The following ODAD2 variants were observed in gnomAD, a reference collection of about 807,000 sequenced individuals.
The protein encoded by ODAD2 is outer dynein arm docking complex subunit 2.
Under a neutral mutation model 106.8 loss-of-function variants are expected in ODAD2, and 89 were observed. That is an observed-to-expected ratio of 0.83 (90% CI 0.70 to 0.99). The LOEUF is 0.99. Ranked by LOEUF, ODAD2 falls within the 50% of genes least tolerant of loss-of-function variation. The pLI, the probability that ODAD2 is intolerant of heterozygous loss-of-function variation, is 0.00. For missense variants in ODAD2, 1,168 were observed against 1,238.5 expected, an observed-to-expected ratio of 0.94 and a Z score of 0.85; for synonymous variants, 404 against 436.2, an observed-to-expected ratio of 0.93 and a Z score of 0.92.
At chr10:27,940,485 A>G in intron 13 of ODAD2, 78 bp downstream of exon 13, 2 of 1,549,460 alleles carry the variant, frequency 1.3e-6, no homozygotes, top group Non-Finnish European at 1.8e-6. Flanking sequence ...TTGAGCCATC[A>G]TGATAACCTT....
At chr10:27,872,059 A>G (rs1840941423) in intron 17 of ODAD2, among the ~76,000 whole-genome samples, 1 of 152,140 alleles carries the variant, frequency 6.6e-6, no homozygotes, top group Non-Finnish European at 1.5e-5. Flanking sequence ...TTCTCCTTGA[A>G]GAGTACCTTC....
Position 27,923,945 on chromosome 10 carries a change from TGAAAGAAAGAAAGAAAGAAAGAAAGAAA to T in ODAD2, c.2495+11037_2495+11064del, listed in dbSNP as rs747193046. 1.7e-3 allele frequency among the ~76,000 whole-genome samples: 79 copies of T among 46,006 alleles called. 1 individual carries two copies. Among genetic ancestry groups the T allele is most frequent in the African/African-American group, 4.7e-3 (53 of 11,236 alleles). 30.2% of individuals were successfully genotyped at this position (46,006 alleles called of 152,430 possible). A position where few individuals can be genotyped will look rare whatever the true frequency, so the allele number is the denominator to read the frequency against. On this transcript the variant is annotated intron_variant, in intron 16 of 19. Transcript: ENST00000305242. The stretch of plus-strand genomic sequence containing the variant: ...GGTGATAGAGAGAGACCCTGTCTAA[TGAAAGAAAGAAAGAAAGAAAGAAAGAAA>T]GAAAGAAAGAAAGAAAGAAAGAAAG...
chr10:27,875,993 G>T (rs1032859789), intron 17 of ODAD2, among the ~76,000 whole-genome samples: 5 of 152,282 alleles, frequency 3.3e-5, no homozygotes, highest in Admixed American at 2.6e-4. Context: ...CAGCGAGCCT[G>T]GGGGAGGGGC....
intron 10 of ODAD2, among the ~76,000 whole-genome samples, chr10:27,959,691 T>G (rs1198193401): frequency 1.3e-5 from 2 of 152,132 alleles, no homozygotes; most frequent in Admixed American, 6.6e-5. Flanking sequence ...TCCTAGGAAT[T>G]TTCATGAGTT....
rs201456745 is a variant in ODAD2, at chr10:27,936,887, G to C, written c.2098-7C>G. On this transcript the variant is annotated splice_polypyrimidine_tract_variant and splice_region_variant and intron_variant, in intron 14 of 19. Transcript: ENST00000305242. ...TTTCCTTATCTTCAGCACACTGCAC[G>C]AAAAGTCAGACAGAGGCTGTCAGTC... 1.9e-6 allele frequency: 3 copies of C among 1,591,644 alleles called. No individual in the cohort carries two copies. The highest frequency in any genetic ancestry group is 2.6e-6 in the Non-Finnish European group (3 of 1,171,140).
At chr10:27,841,890 G>C (rs538225441) in intron 19 of ODAD2, among the ~76,000 whole-genome samples, 1 of 152,134 alleles carries the variant, frequency 6.6e-6, no homozygotes, top group Non-Finnish European at 1.5e-5. Context: ...GAGTAGCTGG[G>C]ACTACAGGTA....
rs1564509365 is a variant in ODAD2, at chr10:27,924,013, A to AGAAAGAAAGAAAGAAAGG, written c.2495+10996_2495+10997insCCTTTCTTTCTTTCTTTC. On this transcript the variant is annotated intron_variant, in intron 16 of 19. Transcript: ENST00000305242. ...AAGAAAGAAAGAAAGAAAGAAAGAA[A>AGAAAGAAAGAAAGAAAGG]GAAAGAAAGAAGGAAAGAGAAAGAA... is the stretch of plus-strand genomic sequence containing the variant. 5.8e-4 allele frequency among the ~76,000 whole-genome samples: 64 copies of AGAAAGAAAGAAAGAAAGG among 109,700 alleles called. 1 individual carries two copies. The East Asian group carries it at 9.3e-3, about 16-fold the overall frequency. The allele number at this position is 109,700 out of a possible 152,430, so 72.0% of individuals were successfully genotyped here.
intron 16 of ODAD2, among the ~76,000 whole-genome samples, chr10:27,926,302 G>C (rs1011630733): frequency 6.6e-6 from 1 of 151,478 alleles, no homozygotes; most frequent in African/African-American, 2.4e-5. Context: ...CAACCAATAA[G>C]AGAATTCTGT....
At chr10:27,882,895 G>T (rs927150597) in intron 17 of ODAD2, among the ~76,000 whole-genome samples, 4 of 151,258 alleles carry the variant, frequency 2.6e-5, no homozygotes, top group Non-Finnish European at 5.9e-5. Context: ...TCCCTAGAGT[G>T]TTTGTTATAC....
chr10:27,984,908 T>C (rs900528928), intron 4 of ODAD2, 111 bp downstream of exon 4: 18 of 466,948 alleles, frequency 3.9e-5, no homozygotes, highest in African/African-American at 3.0e-4. Context: ...TATTTTATTA[T>C]TTATTTAACT....
At chr10:27,862,125 G>C (rs1232568881) in intron 18 of ODAD2, among the ~76,000 whole-genome samples, 2 of 152,124 alleles carry the variant, frequency 1.3e-5, no homozygotes, top group African/African-American at 4.8e-5. Context: ...AACCATGATG[G>C]TGGCGGTGAA....
chr10:27,986,059 G>A (rs1331160494), intron 3 of ODAD2, among the ~76,000 whole-genome samples: 1 of 152,144 alleles, frequency 6.6e-6, no homozygotes, highest in Non-Finnish European at 1.5e-5. Context: ...TAAAGGAAAT[G>A]AAGAAAAGTA....
intron 2 of ODAD2, among the ~76,000 whole-genome samples, chr10:27,992,935 T>C (rs1285354993): frequency 6.6e-6 from 1 of 152,184 alleles, no homozygotes; most frequent in African/African-American, 2.4e-5. Context: ...TAATTTTTTT[T>C]GAGATGGAGT....
At chr10:27,816,029 A>G (rs1029911299) in intron 19 of ODAD2, among the ~76,000 whole-genome samples, 1 of 152,188 alleles carries the variant, frequency 6.6e-6, no homozygotes, top group African/African-American at 2.4e-5. Context: ...CAAGACGGAA[A>G]TCTGCGTGCC....
At chr10:27,930,718 C>T (rs1845559898) in intron 16 of ODAD2, among the ~76,000 whole-genome samples, 1 of 151,924 alleles carries the variant, frequency 6.6e-6, no homozygotes, top group African/African-American at 2.4e-5. Flanking sequence ...GTTTTAACAG[C>T]CTTGTGACTT....
rs778228068 is a variant in ODAD2 at position 27,987,369 on chromosome 10, T to G, written c.382+17A>C. On this transcript the variant is annotated intron_variant, in intron 3 of 19. Coordinates refer to ENST00000305242, the MANE Select transcript of ODAD2 (RefSeq NM_018076.5). Reference sequence around the variant, plus strand: ...GTTTCTAAAAGTTCAAATCACAGACTGGAGCATTAAGATCACCTTCAACAC... The same window carrying G: ...GTTTCTAAAAGTTCAAATCACAGACGGGAGCATTAAGATCACCTTCAACAC... The G allele has an allele frequency of 1.4e-5, 23 of 1,606,828 alleles. No homozygotes were observed. The highest frequency in any genetic ancestry group is 1.9e-5 in the Non-Finnish European group (22 of 1,176,706).
At chr10:27,985,332 T>C (rs900603939) in intron 3 of ODAD2, 121 bp from the exon 4 acceptor site, 1 of 819,312 alleles carries the variant, frequency 1.2e-6, no homozygotes, top group African/African-American at 1.7e-5. Flanking sequence ...ATTAAGCTTT[T>C]TCTAAACGAC....
chr10:27,812,695 C>A, intron 19 of ODAD2, 70 bp from the exon 20 acceptor site: 2 of 1,473,358 alleles, frequency 1.4e-6, no homozygotes, highest in Non-Finnish European at 1.8e-6. Flanking sequence ...TAAAGTTAGG[C>A]TAGGAAAATA....
chr10:27,873,163 C>T (rs1167111537), intron 17 of ODAD2, among the ~76,000 whole-genome samples: 1 of 148,310 alleles, frequency 6.7e-6, no homozygotes, highest in African/African-American at 2.5e-5. Flanking sequence ...ATAGTATTCT[C>T]TGATGGTAGT....
Sources: gnomAD v4.1 joint callset for allele counts (sites outside exome capture counted in the v4.1 genomes callset) on GRCh38, gnomAD v4.1.1 for gene constraint, MANE v1.5 for transcripts, NCBI Gene and HGNC (gene_info 2026-07-23, HGNC 2026-07-21) for gene names.